Variants in FMN1 observed in about 807,000 individuals in gnomAD.
FMN1 encodes formin 1.
Under a neutral mutation model 132.4 loss-of-function variants are expected in FMN1, and 110 were observed. That is an observed-to-expected ratio of 0.83 (90% confidence interval 0.71 to 0.97). The LOEUF is 0.97. Ranked by LOEUF, FMN1 falls within the 50% of genes least tolerant of loss-of-function variation. FMN1 has a pLI of 0.00. For missense variants in FMN1, 1,792 were observed against 1,705.3 expected, an observed-to-expected ratio of 1.05 and a Z score of -0.90; for synonymous variants, 722 against 651.7, an observed-to-expected ratio of 1.11 and a Z score of -1.64.
intron 4 of FMN1, among the ~76,000 whole-genome samples, chr15:33,112,057 T>A (rs1259517354): frequency 6.6e-6 from 1 of 152,190 alleles, no homozygotes; most frequent in Non-Finnish European, 1.5e-5. Context: ...TAACAAAGTT[T>A]TTGTATCTTT....
intron 9 of FMN1, among the ~76,000 whole-genome samples, chr15:32,935,932 T>C (rs2061258368): frequency 6.6e-6 from 1 of 151,144 alleles, no homozygotes; most frequent in African/African-American, 2.5e-5. Flanking sequence ...TAGCCTCCTC[T>C]TCGTTTTTTT....
chr15:32,952,754 T>G (rs565218941), intron 9 of FMN1, among the ~76,000 whole-genome samples: 2 of 152,286 alleles, frequency 1.3e-5, no homozygotes, highest in East Asian at 3.9e-4. Context: ...CTAATGCGAC[T>G]AATAAGGCAC....
intron 6 of FMN1, chr15:33,063,119 G>A (rs1235965426): frequency 6.6e-6 from 1 of 152,260 alleles, no homozygotes; most frequent in East Asian, 1.9e-4. Flanking sequence ...TACCATAACT[G>A]TGCAGGGGAT....
intron 12 of FMN1, among the ~76,000 whole-genome samples, chr15:32,907,714 G>T (rs1180212001): frequency 6.7e-6 from 1 of 149,838 alleles, no homozygotes; most frequent in Non-Finnish European, 1.5e-5. Flanking sequence ...GGCCTGAACT[G>T]GACAAAAAAA....
chr15:33,188,165 T>C (rs898083811), intron 2 of FMN1, among the ~76,000 whole-genome samples: 1 of 108,732 alleles, frequency 9.2e-6, no homozygotes, highest in Admixed American at 1.1e-4. Context: ...AAACCCTGTC[T>C]CTACTAAAAA....
chr15:33,024,216 C>T (rs937258406), intron 6 of FMN1, among the ~76,000 whole-genome samples: 2 of 138,302 alleles, frequency 1.4e-5, no homozygotes, highest in Non-Finnish European at 3.1e-5. Flanking sequence ...TATTTCACAC[C>T]TATCAGATTT....
chr15:32,999,492 A>C (rs1229651678), intron 7 of FMN1, among the ~76,000 whole-genome samples: 5 of 152,240 alleles, frequency 3.3e-5, no homozygotes, highest in Non-Finnish European at 5.9e-5. Context: ...AAAAAGGTAC[A>C]ATGTAAGTTA....
At chr15:32,883,769 A>C (rs1017795171) in intron 16 of FMN1, among the ~76,000 whole-genome samples, 2 of 152,166 alleles carry the variant, frequency 1.3e-5, no homozygotes, top group African/African-American at 4.8e-5. Flanking sequence ...AAGGGAAAAG[A>C]AAGCAAGCCA....
intron 15 of FMN1, among the ~76,000 whole-genome samples, chr15:32,892,160 T>C (rs2060047278): frequency 6.6e-6 from 1 of 152,176 alleles, no homozygotes; most frequent in Non-Finnish European, 1.5e-5. Context: ...GCCTTCAACT[T>C]TTCCCCATTC....
At chr15:33,168,321 A>G (rs145122378) in intron 3 of FMN1, among the ~76,000 whole-genome samples, 52 of 152,350 alleles carry the variant, frequency 3.4e-4, no homozygotes, top group African/African-American at 1.2e-3. Flanking sequence ...TCAGAAAAAT[A>G]TGGTTAACAG....
chr15:32,996,363 G>A (rs1012582348), intron 7 of FMN1, among the ~76,000 whole-genome samples: 1 of 152,120 alleles, frequency 6.6e-6, no homozygotes, highest in Non-Finnish European at 1.5e-5. Flanking sequence ...TTTAATGAAT[G>A]GTCACTTGAC....
intron 3 of FMN1, among the ~76,000 whole-genome samples, chr15:33,176,089 G>C (rs1965502692): frequency 6.6e-6 from 1 of 152,064 alleles, no homozygotes; most frequent in Non-Finnish European, 1.5e-5. Context: ...TCATTCCTGA[G>C]GCCCCCTAGG....
chr15:32,879,666 A>AT (rs143310865), intron 16 of FMN1, among the ~76,000 whole-genome samples: 4,976 of 147,732 alleles, frequency 0.034, 257 homozygotes, highest in African/African-American at 0.11. Flanking sequence ...GATCGGCTCC[A>AT]TTTTTTTTTT....
intron 19 of FMN1, among the ~76,000 whole-genome samples, chr15:32,790,237 A>G (rs1019185813): frequency 2.6e-5 from 4 of 152,206 alleles, no homozygotes; most frequent in African/African-American, 9.6e-5. Flanking sequence ...CTTTATGTCT[A>G]TGTAGCCAAA....
At chr15:33,028,387 T>C (rs530489120) in intron 6 of FMN1, among the ~76,000 whole-genome samples, 7 of 152,286 alleles carry the variant, frequency 4.6e-5, no homozygotes, top group African/African-American at 1.7e-4. Flanking sequence ...AAAGTGAACT[T>C]TGCAGTGAGC....
chr15:33,154,640 G>C lies in FMN1; in HGVS notation c.275C>G (p.Thr92Arg), dbSNP rs1215119505. 2 of 1,536,130 alleles carry C rather than the reference G, an allele frequency of 1.3e-6. No homozygotes were observed. The highest frequency in any genetic ancestry group is 4.9e-5 in the East Asian group (2 of 40,912). The change falls in exon 4 of 21, where the codon ACA becomes AGA. Residue 92 changes from threonine (T) to arginine (R), a missense_variant. This residue lies in a region of FMN1 where 638 missense variants were observed against 645.2 expected (regional missense o/e 0.99). Coordinates refer to ENST00000616417, the MANE Select transcript of FMN1 (RefSeq NM_001277313.2). ...DILTELYKLT[T>R]ERERLLTNLL... is the part of the protein sequence containing the mutation. The stretch of plus-strand genomic sequence containing the variant: ...ATTGGTTAGCAGTCTCTCCCTCTCT[G>C]TTGTGAGTTTGTACAGCTCAGTTAG...
chr15:32,996,543 A>C (rs896346209), intron 7 of FMN1, among the ~76,000 whole-genome samples: 4 of 152,216 alleles, frequency 2.6e-5, no homozygotes, highest in Non-Finnish European at 5.9e-5. Flanking sequence ...GAGGCAGTTC[A>C]GTGTACAGGG....
At chr15:33,097,517 G>A (rs1468629339) in intron 4 of FMN1, among the ~76,000 whole-genome samples, 2 of 152,014 alleles carry the variant, frequency 1.3e-5, no homozygotes, top group South Asian at 2.1e-4. Flanking sequence ...AGTGGACAAG[G>A]AAAAAATATT....
chr15:33,151,079 G>A (rs185871283), intron 4 of FMN1: 212 of 1,318,212 alleles, frequency 1.6e-4, no homozygotes, highest in Admixed American at 2.7e-4. Context: ...AGGACTCACA[G>A]CGACAGGAAA....
Sources: allele counts gnomAD v4.1 joint callset (sites outside exome capture counted in the v4.1 genomes callset), GRCh38; gene constraint gnomAD v4.1.1; regional missense constraint gnomAD v4.1.1; transcripts MANE v1.5; gene names NCBI Gene and HGNC (gene_info 2026-07-23, HGNC 2026-07-21).